DMD: variants seen among roughly 807,000 people sequenced by gnomAD.
DMD encodes mutant dystrophin.
A neutral mutation model predicts 330.1 loss-of-function variants in DMD; 63 were observed. That is an observed-to-expected ratio of 0.19 (90% CI 0.16 to 0.24). The LOEUF (loss-of-function observed/expected upper bound fraction) is 0.24, where lower values mean the gene tolerates loss of function less well. Among genes scored for constraint, DMD ranks in the 10% least tolerant of loss-of-function variants. The pLI, the probability that DMD is intolerant of heterozygous loss-of-function variation, is 1.00. For synonymous variants in DMD, 1,223 were observed against 959.8 expected, an observed-to-expected ratio of 1.27 and a Z score of -5.07; for missense variants, 3,344 against 2,684.1, an observed-to-expected ratio of 1.25 and a Z score of -5.43.
intron 63 of DMD, among the ~76,000 whole-genome samples, chrX:31,238,696 T>C (rs757121001): frequency 5.3e-5 from 6 of 112,311 alleles, no homozygotes; most frequent in Non-Finnish European, 9.4e-5. Context: ...AAGCCTCTGA[T>C]GGCCTTCCCC....
chrX:32,940,441 A>G (rs1437251465), intron 2 of DMD, among the ~76,000 whole-genome samples: 5 of 111,729 alleles, frequency 4.5e-5, no homozygotes, highest in Non-Finnish European at 9.4e-5. Context: ...AAACAAAAAC[A>G]GCATGGTACT....
intron 43 of DMD, among the ~76,000 whole-genome samples, chrX:32,257,587 A>T (rs2097304428): frequency 1.8e-5 from 2 of 111,834 alleles, no homozygotes; most frequent in Non-Finnish European, 1.9e-5. Flanking sequence ...TATTTAATAA[A>T]TGGTGTTGGG....
chrX:33,134,150 G>A (rs768667917), intron 1 of DMD, among the ~76,000 whole-genome samples: 1 of 111,438 alleles, frequency 9.0e-6, no homozygotes, highest in Non-Finnish European at 1.9e-5. Context: ...GAGCCAACTT[G>A]GGAGCTATTA....
chrX:32,890,649 C>A (rs1007974671), intron 2 of DMD, among the ~76,000 whole-genome samples: 1 of 110,944 alleles, frequency 9.0e-6, no homozygotes, highest in African/African-American at 3.3e-5. Context: ...GGTAAGAAGG[C>A]GAAACATCCC....
intron 23 of DMD, among the ~76,000 whole-genome samples, chrX:32,466,001 C>T (rs1210250038): frequency 1.8e-5 from 2 of 111,450 alleles, no homozygotes; most frequent in African/African-American, 6.5e-5. Context: ...CTCCTCCTTC[C>T]TCTCATCTTG....
At chrX:33,210,582 G>A (rs911724239) in intron 1 of DMD, among the ~76,000 whole-genome samples, 3 of 111,234 alleles carry the variant, frequency 2.7e-5, no homozygotes, top group Non-Finnish European at 5.7e-5. Flanking sequence ...AATATAATTA[G>A]GAGTTCCTCA....
At position 31,313,421 on chromosome X, in the gene DMD, G is replaced by A. The variant is rs150014691; in HGVS notation, c.9224+10177C>T. Reference sequence around the variant, plus strand: ...ATGGCAGCCTCACAGTGGTGGATTGGCCACATTTGGTTATACAAATGGCCA... The same window carrying A: ...ATGGCAGCCTCACAGTGGTGGATTGACCACATTTGGTTATACAAATGGCCA... On this transcript the variant is annotated intron_variant, in intron 62 of 78. Transcript: ENST00000357033. Among the ~76,000 whole-genome samples, 809 of 111,815 alleles carry A rather than the reference G, an allele frequency of 7.2e-3. 4 individuals carry two copies. Among genetic ancestry groups the A allele is most frequent in the Non-Finnish European group, 0.011 (571 of 53,160 alleles).
At chrX:33,118,163 T>G (rs1274964250) in intron 1 of DMD, among the ~76,000 whole-genome samples, 2 of 100,848 alleles carry the variant, frequency 2.0e-5, no homozygotes, top group Non-Finnish European at 4.0e-5. Flanking sequence ...CAGGCTGGAG[T>G]GCAGTGGCGC....
intron 44 of DMD, among the ~76,000 whole-genome samples, chrX:32,098,670 A>G (rs899446462): frequency 9.8e-5 from 11 of 111,908 alleles, no homozygotes; most frequent in South Asian, 3.7e-4. Flanking sequence ...CAAACAATAT[A>G]ATCATCTCAG....
intron 53 of DMD, among the ~76,000 whole-genome samples, chrX:31,668,423 ATAT>A (rs933634712): frequency 3.4e-4 from 38 of 110,666 alleles, no homozygotes; most frequent in South Asian, 3.7e-4. Flanking sequence ...CATTAAAAAT[ATAT>A]TATTATTATA....
intron 44 of DMD, among the ~76,000 whole-genome samples, chrX:32,118,649 A>G (rs532891191): frequency 1.8e-5 from 2 of 110,939 alleles, no homozygotes; most frequent in South Asian, 3.9e-4. Flanking sequence ...CAGTATTTTA[A>G]TGAGTCACCT....
At chrX:33,062,505 C>T (rs2094593698) in intron 1 of DMD, among the ~76,000 whole-genome samples, 1 of 112,207 alleles carries the variant, frequency 8.9e-6, no homozygotes, top group Non-Finnish European at 1.9e-5. Flanking sequence ...AAGATGGAGT[C>T]TCGTTCTGTT....
At chrX:31,831,803 C>T (rs927939243) in intron 49 of DMD, among the ~76,000 whole-genome samples, 6 of 111,872 alleles carry the variant, frequency 5.4e-5, no homozygotes, top group Middle Eastern at 4.6e-3. Flanking sequence ...GGGGTTTCAC[C>T]ATGTTAGCCA....
chrX:32,418,497 C>G (rs1308414001), intron 29 of DMD, among the ~76,000 whole-genome samples: 1 of 111,575 alleles, frequency 9.0e-6, no homozygotes, highest in Non-Finnish European at 1.9e-5. Context: ...TATCCGTCTA[C>G]CAACATACAT....
intron 4 of DMD, among the ~76,000 whole-genome samples, chrX:32,836,766 G>A (rs1367141103): frequency 3.6e-5 from 4 of 111,741 alleles, no homozygotes; most frequent in East Asian, 2.8e-4. Context: ...TAATTTATAA[G>A]TATATTATTA....
In DMD at chrX:32,769,709, T is replaced by A. The variant is rs191248858; in HGVS notation, c.649+39784A>T. ...TTGGAAAGATATAAGAGCAGATGAATAATTTTTCTGTGTCACCTCAAATTC... is the reference window on the plus strand; with the variant it reads ...TTGGAAAGATATAAGAGCAGATGAAAAATTTTTCTGTGTCACCTCAAATTC... On this transcript the variant is annotated intron_variant, in intron 7 of 78. Coordinates refer to ENST00000357033, the MANE Select transcript of DMD (RefSeq NM_004006.3). Among the ~76,000 whole-genome samples the A allele has an allele frequency of 4.1e-3, 452 of 111,152 alleles. 4 individuals carry two copies. Among genetic ancestry groups the A allele is most frequent in the African/African-American group, 0.014 (415 of 30,667 alleles).
chrX:31,800,494 A>T (rs774222157), intron 50 of DMD, among the ~76,000 whole-genome samples: 17 of 112,137 alleles, frequency 1.5e-4, no homozygotes, highest in Non-Finnish European at 1.3e-4. Flanking sequence ...GGCCCGTGAA[A>T]CCATGTTTTC....
intron 37 of DMD, 46 bp downstream of exon 37, chrX:32,362,742 A>C: frequency 1.7e-6 from 2 of 1,198,344 alleles, no homozygotes; most frequent in Non-Finnish European, 2.3e-6. Context: ...AACCTTCGCA[A>C]GAGACCATTT....
chrX:32,348,633 T>C, intron 37 of DMD, 105 bp from the exon 38 acceptor site: 2 of 714,054 alleles, frequency 2.8e-6, no homozygotes, highest in Non-Finnish European at 4.1e-6. Flanking sequence ...ACTAATCACA[T>C]GCATTATGTT....
Sources: gnomAD v4.1 joint callset for allele counts (sites outside exome capture counted in the v4.1 genomes callset) on GRCh38, gnomAD v4.1.1 for gene constraint, MANE v1.5 for transcripts, NCBI Gene and HGNC (gene_info 2026-07-23, HGNC 2026-07-21) for gene names.